The following TRRAP variants were observed in gnomAD, a reference collection of about 807,000 sequenced individuals.
TRRAP encodes the protein transformation/transcription domain-associated protein.
Under a neutral mutation model 438.8 loss-of-function variants are expected in TRRAP, and 41 were observed. That is an observed-to-expected ratio of 0.09 (90% CI 0.07 to 0.12). The LOEUF (loss-of-function observed/expected upper bound fraction) is 0.12, where lower values mean the gene tolerates loss of function less well. Ranked by LOEUF, TRRAP falls within the 10% of genes least tolerant of loss-of-function variation. The pLI is 1.00. For synonymous variants in TRRAP, 1,994 were observed against 1,962.9 expected (o/e 1.02, Z -0.42); for missense variants, 3,122 against 5,055.1 (o/e 0.62, Z 11.60).
chr7:98,932,907 A>G (rs1478820042), intron 26 of TRRAP, among the ~76,000 whole-genome samples: 1 of 152,120 alleles, frequency 6.6e-6, no homozygotes, highest in Non-Finnish European at 1.5e-5. Flanking sequence ...GATTTGCAAA[A>G]AACAGTGTAC....
At position 98,959,580 on chromosome 7, in the gene TRRAP, C is replaced by T. The variant is rs144330812; in HGVS notation, c.6489+90C>T. On this transcript the variant is annotated intron_variant, in intron 45 of 72. Coordinates refer to ENST00000456197, the MANE Select transcript of TRRAP (RefSeq NM_001375524.1). The stretch of plus-strand genomic sequence containing the variant: ...GGGCAGGGACTGGACATTTGTGGAT[C>T]ACTCTGACCCTTATGCCTAAACCCC... The T allele has an allele frequency of 9.2e-4, 1,399 of 1,521,628 alleles. 1 individual carries two copies. Among genetic ancestry groups the T allele is most frequent in the Non-Finnish European group, 1.2e-3 (1,322 of 1,133,340 alleles). The allele number at this position is 1,521,628 out of a possible 1,614,324, so 94.3% of individuals were successfully genotyped here.
Position 98,949,492 on chromosome 7 carries a change from C to T in TRRAP, c.4864C>T (p.Leu1622=), listed in dbSNP as rs1408527591. ...CAACCCCAACAGGTTCATCACCCTG[C>T]TGCTGCCGGGGGGTGCCCAGACGGC... The part of the protein sequence containing the change: ...AANPNRFITL[L]LPGGAQTAVR... The change falls in exon 36 of 73, where the codon CTG becomes TTG. Residue 1622 remains leucine, a synonymous_variant. Coordinates refer to ENST00000456197, the MANE Select transcript of TRRAP (RefSeq NM_001375524.1). 8.1e-6 allele frequency: 13 copies of T among 1,611,246 alleles called. No homozygotes were observed. The Admixed American group carries it at 2.2e-4, about 27-fold the overall frequency.
At chr7:98,969,721 G>A (rs139637455) in intron 51 of TRRAP, among the ~76,000 whole-genome samples, 13 of 139,060 alleles carry the variant, frequency 9.3e-5, no homozygotes, top group African/African-American at 3.2e-4. Context: ...CTACACTGTC[G>A]CCTGAGGCTG....
intron 69 of TRRAP, among the ~76,000 whole-genome samples, chr7:99,008,059 C>CAA (rs1488692766): frequency 6.6e-6 from 1 of 150,978 alleles, no homozygotes; most frequent in East Asian, 2.0e-4. Flanking sequence ...CTCCTGACCT[C>CAA]GTGATCCGCC....
chr7:99,007,401 T>G (rs1656821208), intron 69 of TRRAP, among the ~76,000 whole-genome samples: 1 of 152,218 alleles, frequency 6.6e-6, no homozygotes, highest in Admixed American at 6.5e-5. Flanking sequence ...CAGGCTGGAG[T>G]GCAGTGGCGC....
At chr7:98,945,209 A>G (rs1173279345) in intron 31 of TRRAP, among the ~76,000 whole-genome samples, 2 of 152,130 alleles carry the variant, frequency 1.3e-5, no homozygotes, top group African/African-American at 4.8e-5. Flanking sequence ...ACGCGTGACC[A>G]CTTGTTATGT....
At chr7:98,905,906 G>A (rs1384480449) in intron 12 of TRRAP, among the ~76,000 whole-genome samples, 1 of 152,108 alleles carries the variant, frequency 6.6e-6, no homozygotes, top group Admixed American at 6.5e-5. Flanking sequence ...TCTCTGCCAG[G>A]GGACACCAAG....
chr7:98,950,213 G>T lies in TRRAP; in HGVS notation c.5285G>T (p.Arg1762Leu). ...SIAQKRALFF[R>L]FVDFNDPNFG... is the part of the protein sequence containing the mutation. ...GCTCAGAAACGTGCCCTGTTCTTTCGCTTTGTAGACTTCAACGACCCCAAC... is the reference window on the plus strand; with the variant it reads ...GCTCAGAAACGTGCCCTGTTCTTTCTCTTTGTAGACTTCAACGACCCCAAC... Residue 1762 changes from arginine to leucine, a missense_variant, in exon 38 of 73, where the codon CGC (arginine) becomes CTC (leucine). Arg to Leu is a moderately radical substitution (Grantham distance 102). Transcript: ENST00000456197. The T allele has an allele frequency of 6.2e-7, 1 of 1,614,148 alleles. No homozygotes were observed. The highest frequency in any genetic ancestry group is 8.5e-7 in the Non-Finnish European group (1 of 1,180,030).
chr7:98,946,486 CCA>C (rs1791068016), intron 33 of TRRAP, among the ~76,000 whole-genome samples: 1 of 151,030 alleles, frequency 6.6e-6, no homozygotes. Flanking sequence ...TGCACTCACA[CCA>C]CACATGCACA....
In TRRAP at chr7:98,956,582, G is replaced by A. The variant is rs1249945363; in HGVS notation, c.6231+49G>A. ...GGTGCTGCGCATTCTGCTGGGAGTT[G>A]GTTCGTTTATTCCCTATATTTAGAA... On this transcript the variant is annotated intron_variant, in intron 43 of 72. Coordinates refer to ENST00000456197, the MANE Select transcript of TRRAP (RefSeq NM_001375524.1). This position sits in a 1 kb window ranked among gnomAD's most constrained non-coding sequence, Gnocchi z 4.5. 1.9e-6 allele frequency: 3 copies of A among 1,584,682 alleles called. No individual in the cohort carries two copies. The highest frequency in any genetic ancestry group is 8.6e-7 in the Non-Finnish European group (1 of 1,168,264).
rs747845821 is a variant in TRRAP at position 98,967,472 on chromosome 7, C to T, written c.7299-13C>T. 1.2e-6 allele frequency: 2 copies of T among 1,613,250 alleles called. No homozygotes were observed. The highest frequency in any genetic ancestry group is 2.2e-5 in the South Asian group (2 of 91,056). On this transcript the variant is annotated splice_polypyrimidine_tract_variant and intron_variant, in intron 50 of 72. Coordinates refer to ENST00000456197, the MANE Select transcript of TRRAP (RefSeq NM_001375524.1). Reference sequence around the variant, plus strand: ...AGTCCATCGTCTTGCCTGTCTCTGACTTGGTGTTACAGGGATGAGACCCTC... The same window carrying T: ...AGTCCATCGTCTTGCCTGTCTCTGATTTGGTGTTACAGGGATGAGACCCTC...
In TRRAP at chr7:99,003,839, G is replaced by A. The variant is rs950625073; in HGVS notation, c.10310-351G>A. ...AGCACTTTGGGAGGCTGAGGTGGGCGGATCATCTGAGGTCGGGAGTTCAAG... is the reference window on the plus strand; with the variant it reads ...AGCACTTTGGGAGGCTGAGGTGGGCAGATCATCTGAGGTCGGGAGTTCAAG... On this transcript the variant is annotated intron_variant, in intron 67 of 72. Coordinates refer to ENST00000456197, the MANE Select transcript of TRRAP (RefSeq NM_001375524.1). Among the ~76,000 whole-genome samples the A allele has an allele frequency of 3.9e-5, 6 of 152,186 alleles. No individual in the cohort carries two copies. In the East Asian group the frequency reaches 5.8e-4, roughly 15 times the overall value.
At chr7:98,925,035 C>A in intron 21 of TRRAP, 77 bp from the exon 22 acceptor site, 1 of 1,521,402 alleles carries the variant, frequency 6.6e-7, no homozygotes. Flanking sequence ...CTGGGTGCTG[C>A]AGATGCTTTC....
chr7:98,911,953 T>C, intron 17 of TRRAP, 69 bp from the exon 18 acceptor site: 3 of 1,399,158 alleles, frequency 2.1e-6, no homozygotes, highest in South Asian at 1.3e-5. Flanking sequence ...TTTTGAAAGC[T>C]TACTACTTTG....
intron 52 of TRRAP, 63 bp from the exon 53 acceptor site, chr7:98,971,736 G>A (rs571717944): frequency 6.4e-7 from 1 of 1,562,798 alleles, no homozygotes; most frequent in Non-Finnish European, 8.7e-7. Context: ...TACAGGAGGT[G>A]TGTTTGTTGG....
At chr7:98,974,601 A>G (rs937393574) in intron 53 of TRRAP, among the ~76,000 whole-genome samples, 7 of 152,222 alleles carry the variant, frequency 4.6e-5, no homozygotes, top group African/African-American at 1.7e-4. Context: ...TAATCCTGAG[A>G]CACAAAACCC....
At chr7:98,945,484 A>T (rs911983526) in intron 31 of TRRAP, among the ~76,000 whole-genome samples, 6 of 152,208 alleles carry the variant, frequency 3.9e-5, no homozygotes, top group African/African-American at 1.4e-4. Context: ...CTTTCACAAG[A>T]ATCCTGAAAC....
chr7:98,887,739 A>AAC (rs1414130851), intron 3 of TRRAP, among the ~76,000 whole-genome samples: 1 of 143,828 alleles, frequency 7.0e-6, no homozygotes, highest in Non-Finnish European at 1.5e-5. Context: ...CAAAAAAAAA[A>AAC]AAAAAAAAAA....
At chr7:98,924,999 C>A (rs142400135) in intron 21 of TRRAP, 113 bp from the exon 22 acceptor site, 7 of 1,373,340 alleles carry the variant, frequency 5.1e-6, no homozygotes, top group Admixed American at 2.8e-5. Context: ...AGCGAGACTC[C>A]GTCTCAAAAA....
Sources: gnomAD v4.1 joint callset for allele counts (sites outside exome capture counted in the v4.1 genomes callset) on GRCh38, gnomAD v4.1.1 for gene constraint, Gnocchi (gnomAD v3.1) non-coding constraint, MANE v1.5 for transcripts, NCBI Gene and HGNC (gene_info 2026-07-23, HGNC 2026-07-21) for gene names.